EPHB1: variants seen among roughly 807,000 people sequenced by gnomAD.
EPHB1 encodes ephrin type-B receptor 1.
A neutral mutation model predicts 94.4 loss-of-function variants in EPHB1; 30 were observed. That is an observed-to-expected ratio of 0.32 (90% CI 0.24 to 0.43). EPHB1 has a LOEUF of 0.43. Ranked by LOEUF, EPHB1 falls within the 20% of genes least tolerant of loss-of-function variation. The pLI is 1.00. For missense variants in EPHB1, 1,055 were observed against 1,308.3 expected (o/e 0.81, Z 2.99); for synonymous variants, 522 against 489.1 (o/e 1.07, Z -0.89).
intron 3 of EPHB1, among the ~76,000 whole-genome samples, chr3:135,049,960 AC>A (rs1441530179): frequency 6.6e-6 from 1 of 152,016 alleles, no homozygotes; most frequent in Non-Finnish European, 1.5e-5. Context: ...TTCCAGTGGT[AC>A]CCCGGGACCC....
intron 1 of EPHB1, among the ~76,000 whole-genome samples, chr3:134,903,495 C>G (rs1490630153): frequency 6.6e-6 from 1 of 152,256 alleles, no homozygotes; most frequent in Non-Finnish European, 1.5e-5. Context: ...GCACTTTTAG[C>G]AGCATCATTT....
chr3:134,812,120 GA>G (rs35717493), intron 1 of EPHB1, among the ~76,000 whole-genome samples: 4 of 151,496 alleles, frequency 2.6e-5, no homozygotes, highest in Admixed American at 2.0e-4. Flanking sequence ...TCCATTTTTG[GA>G]AAAAAAATAG....
intron 10 of EPHB1, among the ~76,000 whole-genome samples, chr3:135,191,458 C>T (rs1477668200): frequency 6.6e-6 from 1 of 152,158 alleles, no homozygotes; most frequent in Admixed American, 6.5e-5. Context: ...CAGTTTGCTC[C>T]ATCATTTTCT....
chr3:135,039,880 G>C lies in EPHB1; in HGVS notation c.806-66568G>C, dbSNP rs549138809. On this transcript the variant is annotated intron_variant, in intron 3 of 15. Coordinates refer to ENST00000398015, the MANE Select transcript of EPHB1 (RefSeq NM_004441.5). ...AGGGGCTCCCACAGTGCAGTGGGGG[G>C]GCTGAAGGGCTCCTCAAATGCCACC... 7.9e-5 allele frequency among the ~76,000 whole-genome samples: 12 copies of C among 152,320 alleles called. No homozygotes were observed. The South Asian group carries it at 1.9e-3, about 24-fold the overall frequency.
At chr3:134,939,625 A>G (rs1025818532) in intron 2 of EPHB1, among the ~76,000 whole-genome samples, 3 of 152,086 alleles carry the variant, frequency 2.0e-5, no homozygotes, top group Non-Finnish European at 2.9e-5. Flanking sequence ...GGCTTAGTCT[A>G]CTGTCTACAC....
intron 2 of EPHB1, among the ~76,000 whole-genome samples, chr3:134,943,706 G>A (rs538692927): frequency 1.3e-5 from 2 of 152,180 alleles, no homozygotes; most frequent in Non-Finnish European, 2.9e-5. Flanking sequence ...AGCCCCTCTA[G>A]ATGCCACCTT....
At position 135,201,656 on chromosome 3, in the gene EPHB1, T is replaced by C. The variant is rs925233824; in HGVS notation, c.2313T>C (p.Asp771=). The change falls in exon 12 of 16, where the codon GAT becomes GAC. Residue 771 remains aspartate, a synonymous_variant. Coordinates refer to ENST00000398015, the MANE Select transcript of EPHB1 (RefSeq NM_004441.5). ...TTGGCCTCTCCCGCTACCTCCAGGA[T>C]GACACCTCAGATCCCACCTACACCA... The part of the protein sequence containing the change: ...SDFGLSRYLQ[D]DTSDPTYTSS... 1 of 1,613,946 alleles carries C rather than the reference T, an allele frequency of 6.2e-7. No individual in the cohort carries two copies. Among genetic ancestry groups the C allele is most frequent in the Admixed American group, 1.7e-5 (1 of 60,000 alleles).
At chr3:135,059,969 T>G (rs1576353505) in intron 3 of EPHB1, among the ~76,000 whole-genome samples, 1 of 152,110 alleles carries the variant, frequency 6.6e-6, no homozygotes, top group Non-Finnish European at 1.5e-5. Flanking sequence ...AGAACCAGAG[T>G]CAAGGCCAGG....
intron 2 of EPHB1, among the ~76,000 whole-genome samples, chr3:134,943,697 G>A (rs2039164297): frequency 6.6e-6 from 1 of 152,138 alleles, no homozygotes; most frequent in South Asian, 2.1e-4. Flanking sequence ...TGGCCTCCTA[G>A]CCCCTCTAGA....
intron 1 of EPHB1, among the ~76,000 whole-genome samples, chr3:134,829,363 C>T (rs747798592): frequency 2.0e-5 from 3 of 152,060 alleles, no homozygotes; most frequent in Non-Finnish European, 4.4e-5. Context: ...GAGTGGAGGA[C>T]TCTCTTTGTC....
chr3:134,828,590 G>A (rs1040816498), intron 1 of EPHB1, among the ~76,000 whole-genome samples: 1 of 152,246 alleles, frequency 6.6e-6, no homozygotes, highest in African/African-American at 2.4e-5. Context: ...TTGGGGCACA[G>A]CTAGAAGTGA....
chr3:135,215,843 G>A (rs1438359662), intron 12 of EPHB1, among the ~76,000 whole-genome samples: 2 of 152,148 alleles, frequency 1.3e-5, no homozygotes, highest in Non-Finnish European at 1.5e-5. Context: ...AGATGATGCC[G>A]ATCCTGCTAG....
At chr3:134,927,679 C>T (rs2038820892) in intron 2 of EPHB1, among the ~76,000 whole-genome samples, 1 of 152,186 alleles carries the variant, frequency 6.6e-6, no homozygotes, top group Non-Finnish European at 1.5e-5. Context: ...TTCTGATATC[C>T]TTTCCCAAGG....
intron 3 of EPHB1, among the ~76,000 whole-genome samples, chr3:135,080,881 T>A (rs1678290925): frequency 6.6e-6 from 1 of 152,212 alleles, no homozygotes; most frequent in South Asian, 2.1e-4. Context: ...CCATGATGAT[T>A]ATTCACTGTT....
intron 15 of EPHB1, 46 bp from the exon 16 acceptor site, chr3:135,258,966 C>G: frequency 1.4e-6 from 2 of 1,452,168 alleles, no homozygotes; most frequent in Non-Finnish European, 1.9e-6. Context: ...CTGCGAAAAG[C>G]TAACCTAACA....
At chr3:135,174,798 C>G (rs77508719) in intron 9 of EPHB1, among the ~76,000 whole-genome samples, 98 of 152,294 alleles carry the variant, frequency 6.4e-4, no homozygotes, top group African/African-American at 2.2e-3. Context: ...AAAATGACAT[C>G]GTCTGCCTTG....
chr3:135,168,177 G>C (rs927825557), intron 9 of EPHB1, among the ~76,000 whole-genome samples: 10 of 152,236 alleles, frequency 6.6e-5, no homozygotes, highest in African/African-American at 2.2e-4. Context: ...CCTGCCAAGG[G>C]TTTGCAGAGG....
intron 13 of EPHB1, among the ~76,000 whole-genome samples, chr3:135,243,499 C>G (rs936992578): frequency 6.6e-6 from 1 of 152,162 alleles, no homozygotes; most frequent in Non-Finnish European, 1.5e-5. Context: ...TTTGCGTGCT[C>G]CTTCAAAATA....
At chr3:134,924,463 T>A (rs1189860648) in intron 1 of EPHB1, among the ~76,000 whole-genome samples, 1 of 152,306 alleles carries the variant, frequency 6.6e-6, no homozygotes, top group East Asian at 1.9e-4. Flanking sequence ...GATTTATGGA[T>A]GACAAATAAG....
Sources: gnomAD v4.1 joint callset for allele counts (sites outside exome capture counted in the v4.1 genomes callset) on GRCh38, gnomAD v4.1.1 for gene constraint, MANE v1.5 for transcripts, NCBI Gene and HGNC (gene_info 2026-07-23, HGNC 2026-07-21) for gene names.